The following CRISP2 variants were observed in gnomAD, a reference collection of about 807,000 sequenced individuals.
CRISP2 encodes cysteine rich secretory protein 2.
In CRISP2, 29 loss-of-function variants were observed where a neutral mutation model predicts 31.7. That is an observed-to-expected ratio of 0.92 (90% CI 0.68 to 1.25). The LOEUF (loss-of-function observed/expected upper bound fraction) is 1.25. CRISP2 is among the 50% of genes most tolerant of loss of function. The probability of loss-of-function intolerance (pLI) is 0.00; values close to 1 mark genes in which losing one functional copy is unlikely to be tolerated. For missense variants in CRISP2, 318 were observed against 286.5 expected (o/e 1.11, Z -0.79); for synonymous variants, 111 against 101.4 (o/e 1.09, Z -0.57).
At position 49,695,955 on chromosome 6, in the gene CRISP2, T is replaced by C. The variant is rs765293771; in HGVS notation, c.516-31A>G. ...ATTTGAAATACATGTCAAATATTTT[T>C]CACTTTACTGTTTATACTCTAAGGG... On this transcript the variant is annotated intron_variant, in intron 8 of 9. Coordinates refer to ENST00000339139, the MANE Select transcript of CRISP2 (RefSeq NM_003296.4). The C allele has an allele frequency of 2.1e-6, 3 of 1,460,716 alleles. No individual in the cohort carries two copies. The African/African-American group carries it at 4.2e-5, about 20-fold the overall frequency. The allele number at this position is 1,460,716 out of a possible 1,614,324, so 90.5% of individuals were successfully genotyped here. A position where few individuals can be genotyped will look rare whatever the true frequency, so the allele number is the denominator to read the frequency against.
downstream of CRISP2, among the ~76,000 whole-genome samples, chr6:49,689,735 C>T (rs150050675): frequency 3.0e-3 from 461 of 152,166 alleles, 2 homozygotes; most frequent in Admixed American, 9.6e-3. Context: ...ATAAAGTATA[C>T]TCTGAGTAAA....
rs903418598 is a variant in CRISP2 at position 49,699,898 on chromosome 6, G to A, written c.184-7C>T. 10 of 1,610,634 alleles carry A rather than the reference G, an allele frequency of 6.2e-6. No homozygotes were observed. In the Middle Eastern group the frequency reaches 6.6e-4, roughly 107 times the overall value. On this transcript the variant is annotated splice_polypyrimidine_tract_variant and splice_region_variant and intron_variant, in intron 5 of 9. Transcript: ENST00000339139. ...TTACCTCTCTGCTCCATTCCTAAACGTCACAAGAAAACAAAATACACTTAA... is the reference window on the plus strand; with the variant it reads ...TTACCTCTCTGCTCCATTCCTAAACATCACAAGAAAACAAAATACACTTAA...
At chr6:49,678,651 G>A in the CRISP2 span, among the ~76,000 whole-genome samples, 1 of 152,056 alleles carries the variant, frequency 6.6e-6, no homozygotes, top group South Asian at 2.1e-4. Context: ...AGGAGGTAAA[G>A]AGCATCTCTA....
intron 6 of CRISP2, 36 bp from the exon 7 acceptor site, chr6:49,698,543 C>T (rs1220141051): frequency 1.9e-6 from 3 of 1,568,738 alleles, no homozygotes; most frequent in Non-Finnish European, 2.6e-6. Flanking sequence ...AGGTAATAAA[C>T]ATGCAATGGT....
chr6:49,679,689 G>T, the CRISP2 span, among the ~76,000 whole-genome samples: 6 of 150,562 alleles, frequency 4.0e-5, no homozygotes, highest in African/African-American at 1.2e-4. Flanking sequence ...CAGTGTTGTT[G>T]TTTTTTTTTG....
chr6:49,704,224 T>A (rs1766602499), intron 4 of CRISP2, among the ~76,000 whole-genome samples: 1 of 152,126 alleles, frequency 6.6e-6, no homozygotes, highest in Non-Finnish European at 1.5e-5. Context: ...TTATTTGTGA[T>A]ATTTATTTTT....
the CRISP2 span, among the ~76,000 whole-genome samples, chr6:49,685,870 A>C: frequency 1.4e-3 from 211 of 152,246 alleles, no homozygotes; most frequent in African/African-American, 4.8e-3. Context: ...TATTTTAATG[A>C]GTATGTAAGA....
At chr6:49,712,983 G>A (rs1183602848) in intron 1 of CRISP2, among the ~76,000 whole-genome samples, 2 of 151,920 alleles carry the variant, frequency 1.3e-5, no homozygotes, top group African/African-American at 4.8e-5. Flanking sequence ...TTAACTACGT[G>A]GATTTGGGGG....
At chr6:49,701,030 G>T (rs74800436) in intron 4 of CRISP2, among the ~76,000 whole-genome samples, 4,143 of 152,122 alleles carry the variant, frequency 0.027, 196 homozygotes, top group African/African-American at 0.094. Context: ...ATTTAAATAG[G>T]AAAGTAGTAG....
the CRISP2 span, among the ~76,000 whole-genome samples, chr6:49,681,877 T>C: frequency 6.6e-6 from 1 of 152,100 alleles, no homozygotes; most frequent in Non-Finnish European, 1.5e-5. Flanking sequence ...ATCAATATGT[T>C]GCTTTCCTCC....
downstream of CRISP2, among the ~76,000 whole-genome samples, chr6:49,688,388 T>G (rs1763950444): frequency 1.3e-5 from 2 of 152,140 alleles, no homozygotes; most frequent in Admixed American, 1.3e-4. Flanking sequence ...AACTGGGAAA[T>G]ATACAGAATA....
At chr6:49,712,883 C>A (rs577050311) in intron 1 of CRISP2, among the ~76,000 whole-genome samples, 2 of 152,238 alleles carry the variant, frequency 1.3e-5, no homozygotes, top group East Asian at 3.9e-4. Context: ...AAAATTGCAA[C>A]CTTTTTTCAA....
intron 6 of CRISP2, 114 bp from the exon 7 acceptor site, chr6:49,698,621 GT>G: frequency 9.5e-7 from 1 of 1,053,570 alleles, no homozygotes; most frequent in Admixed American, 2.4e-5. Flanking sequence ...GATGCTAACT[GT>G]TGATTAATAC....
chr6:49,698,671 G>T (rs1765168457), intron 6 of CRISP2, among the ~76,000 whole-genome samples, 164 bp from the exon 7 acceptor site: 1 of 152,130 alleles, frequency 6.6e-6, no homozygotes, highest in South Asian at 2.1e-4. Flanking sequence ...CTATAAAGCT[G>T]ATTAGAACAC....
At chr6:49,681,014 A>C in the CRISP2 span, among the ~76,000 whole-genome samples, 1 of 152,102 alleles carries the variant, frequency 6.6e-6, no homozygotes, top group East Asian at 1.9e-4. Flanking sequence ...CCCATTTGTT[A>C]ATTTATGTTT....
chr6:49,685,974 C>A, the CRISP2 span, among the ~76,000 whole-genome samples: 1 of 152,142 alleles, frequency 6.6e-6, no homozygotes, highest in Non-Finnish European at 1.5e-5. Context: ...CATTGTCATC[C>A]TCCAACCAGC....
intron 7 of CRISP2, 59 bp downstream of exon 7, chr6:49,698,303 G>A (rs567994003): frequency 1.3e-6 from 2 of 1,575,616 alleles, no homozygotes; most frequent in Admixed American, 3.5e-5. Context: ...TCATAATTTG[G>A]AGAAGCTTTC....
In CRISP2 at chr6:49,695,854, A is replaced by G. The variant is rs36069724; in HGVS notation, c.586T>C (p.Cys196Arg). 29,419 of 1,612,108 alleles carry G rather than the reference A, an allele frequency of 0.018. 363 individuals carry two copies. Among genetic ancestry groups the G allele is most frequent in the South Asian group, 0.035 (3,194 of 90,794 alleles). The part of the protein sequence containing the change: ...GTPCAGCPDD[C>R]DKGLCTNSCQ... The stretch of plus-strand genomic sequence containing the variant: ...AACTTACTGCATAGTCCTTTGTCAC[A>G]GTCATCAGGGCAACCGGCACAAGGT... The change falls in exon 9 of 10, where the codon TGT (cysteine) becomes CGT (arginine). Residue 196 changes from cysteine to arginine, a missense_variant. Coordinates refer to ENST00000339139, the MANE Select transcript of CRISP2 (RefSeq NM_003296.4).
downstream of CRISP2, among the ~76,000 whole-genome samples, chr6:49,690,071 A>C (rs1253167796): frequency 1.3e-5 from 2 of 152,164 alleles, no homozygotes; most frequent in Admixed American, 6.5e-5. Context: ...GATTTTCCTA[A>C]TGTAAAATTC....
Sources: gnomAD v4.1 joint callset for allele counts (sites outside exome capture counted in the v4.1 genomes callset) on GRCh38, gnomAD v4.1.1 for gene constraint, MANE v1.5 for transcripts, NCBI Gene and HGNC (gene_info 2026-07-23, HGNC 2026-07-21) for gene names.